The following PPP2R2C variants were observed in gnomAD, a reference collection of about 807,000 sequenced individuals.
PPP2R2C encodes the protein protein phosphatase 2, regulatory subunit B, gamma.
Under a neutral mutation model 45.3 loss-of-function variants are expected in PPP2R2C, and 10 were observed. The observed-to-expected ratio is 0.22, with a 90% confidence interval of 0.14 to 0.37. The LOEUF (loss-of-function observed/expected upper bound fraction) is 0.37. Among genes scored for constraint, PPP2R2C ranks in the 10% least tolerant of loss-of-function variants. The probability of loss-of-function intolerance (pLI) is 1.00; values close to 1 mark genes in which losing one functional copy is unlikely to be tolerated. For missense variants in PPP2R2C, 308 were observed against 619.7 expected (o/e 0.50, Z 5.34); for synonymous variants, 257 against 245.4 (o/e 1.05, Z -0.44).
chr4:6,416,510 C>T (rs1472843565), intron 1 of PPP2R2C, among the ~76,000 whole-genome samples: 1 of 152,208 alleles, frequency 6.6e-6, no homozygotes, highest in Non-Finnish European at 1.5e-5. Context: ...CCAGCACTGC[C>T]TACCCCATAC....
chr4:6,423,424 G>A (rs55782991), intron 1 of PPP2R2C, among the ~76,000 whole-genome samples: 33,316 of 152,014 alleles, frequency 0.22, 4,517 homozygotes, highest in Admixed American at 0.39. Flanking sequence ...GGCTGGTCTC[G>A]AACCCCTGAC....
chr4:6,537,555 T>G lies in PPP2R2C; in HGVS notation c.-58-2178A>C, dbSNP rs567741595. 1.4e-4 allele frequency among the ~76,000 whole-genome samples: 21 copies of G among 151,474 alleles called. No individual in the cohort carries two copies. The South Asian group carries it at 2.7e-3, about 20-fold the overall frequency. ...AGACGAACTTGAAGATTTTTTGTTT[T>G]TTTTTTTTTTTTGGAGATGGAGTCT... is the stretch of plus-strand genomic sequence containing the variant. On this transcript the variant is annotated intron_variant, in intron 1 of 9. Transcript: ENST00000506140.
At chr4:6,410,865 ATTTATTTATT>A (rs1408101783) in intron 1 of PPP2R2C, among the ~76,000 whole-genome samples, 1 of 150,326 alleles carries the variant, frequency 6.7e-6, no homozygotes, top group African/African-American at 2.5e-5. Context: ...TTATTTATTT[ATTTATTTATT>A]TATTTATTTA....
At chr4:6,506,777 C>A (rs1009820121) in intron 2 of PPP2R2C, among the ~76,000 whole-genome samples, 2 of 152,186 alleles carry the variant, frequency 1.3e-5, no homozygotes, top group Admixed American at 6.5e-5. Context: ...GGGCTGCACT[C>A]ATCTGAAGGC....
chr4:6,562,474 G>GA (rs958760194), intron 1 of PPP2R2C, among the ~76,000 whole-genome samples: 3 of 43,912 alleles, frequency 6.8e-5, no homozygotes, highest in Admixed American at 5.9e-4. Context: ...GAGTCGGGGG[G>GA]GGGGGTTGGA....
Position 6,324,663 on chromosome 4 carries a change from C to T in PPP2R2C, c.1053-1070G>A, listed in dbSNP as rs1293345937. On this transcript the variant is annotated intron_variant, in intron 8 of 8. Transcript: ENST00000382599. The surrounding 1 kb of genome is among the most constrained non-coding windows in gnomAD (Gnocchi z 4.1). ...TGAGGGTCGGGGCGAGCAGTGCTGA[C>T]GTGCAGGGGCTCGCTGCCCTCACCG... Among the ~76,000 whole-genome samples, 6 of 152,210 alleles carry T rather than the reference C, an allele frequency of 3.9e-5. No individual in the cohort carries two copies. The highest frequency in any genetic ancestry group is 7.3e-5 in the Non-Finnish European group (5 of 68,036).
In PPP2R2C at chr4:6,500,302, C is replaced by T. The variant is rs553400723; in HGVS notation, c.49+34969G>A. ...AGCTGGGATTATAGGCGCACACCAC[C>T]ATACCCAGATGATCTTTGTATTTTT... On this transcript the variant is annotated intron_variant, in intron 2 of 9. Coordinates refer to the PPP2R2C transcript ENST00000506140. 1.2e-3 allele frequency among the ~76,000 whole-genome samples: 190 copies of T among 152,288 alleles called. 2 individuals carry two copies. The highest frequency in any genetic ancestry group is 1.5e-3 in the Non-Finnish European group (104 of 68,030).
At chr4:6,488,139 A>C (rs1229016179) in intron 2 of PPP2R2C, among the ~76,000 whole-genome samples, 1 of 152,236 alleles carries the variant, frequency 6.6e-6, no homozygotes, top group Non-Finnish European at 1.5e-5. Flanking sequence ...TAGAACATAC[A>C]GAACATGATT....
rs185588527 is a variant in PPP2R2C, at chr4:6,331,773, G to T, written c.960+1789C>A. On this transcript the variant is annotated intron_variant, in intron 7 of 8. Transcript: ENST00000382599. This position sits in a 1 kb window ranked among gnomAD's most constrained non-coding sequence, Gnocchi z 5.9. ...GGATCACAGAAGGAACCACTGTGGC[G>T]CTGCCGGGGTCATGGAGCCCCCCCA... Among the ~76,000 whole-genome samples the T allele has an allele frequency of 6.6e-6, 1 of 152,118 alleles. No homozygotes were observed. The highest frequency in any genetic ancestry group is 2.4e-5 in the African/African-American group (1 of 41,398).
At chr4:6,493,353 T>C (rs1722770280) in intron 2 of PPP2R2C, among the ~76,000 whole-genome samples, 1 of 151,698 alleles carries the variant, frequency 6.6e-6, no homozygotes, top group Non-Finnish European at 1.5e-5. Flanking sequence ...TTCAGGGAGC[T>C]GGGGTGGGGG....
chr4:6,381,369 G>A, intron 1 of PPP2R2C: 2 of 1,488,354 alleles, frequency 1.3e-6, no homozygotes, highest in Non-Finnish European at 1.8e-6. Context: ...AGACTTTATA[G>A]TAACTGGACA....
intron 1 of PPP2R2C, among the ~76,000 whole-genome samples, chr4:6,549,508 G>T (rs758569126): frequency 6.6e-6 from 1 of 152,212 alleles, no homozygotes; most frequent in Admixed American, 6.5e-5. Flanking sequence ...CCTCAGGAGT[G>T]AAATGCCCCT....
intron 5 of PPP2R2C, among the ~76,000 whole-genome samples, chr4:6,361,692 G>A (rs1436803807): frequency 6.6e-6 from 1 of 152,356 alleles, no homozygotes; most frequent in South Asian, 2.1e-4. Flanking sequence ...GGAGGACTAG[G>A]AGGGTCTGTG....
At chr4:6,429,570 C>T (rs1467514465) in intron 1 of PPP2R2C, among the ~76,000 whole-genome samples, 1 of 152,132 alleles carries the variant, frequency 6.6e-6, no homozygotes, top group Non-Finnish European at 1.5e-5. Context: ...TGACAAACAG[C>T]ACGAGACCCC....
At chr4:6,411,924 G>A (rs1718229757) in intron 1 of PPP2R2C, among the ~76,000 whole-genome samples, 1 of 152,150 alleles carries the variant, frequency 6.6e-6, no homozygotes, top group Non-Finnish European at 1.5e-5. Flanking sequence ...AACATCCCTG[G>A]TGCATCATCT....
chr4:6,533,144 T>C (rs1724462647), intron 2 of PPP2R2C, among the ~76,000 whole-genome samples: 1 of 152,168 alleles, frequency 6.6e-6, no homozygotes. Flanking sequence ...AGGTGGATGC[T>C]ATTGAAGAAT....
At chr4:6,377,020 T>C (rs994312720) in intron 3 of PPP2R2C, among the ~76,000 whole-genome samples, 2 of 152,086 alleles carry the variant, frequency 1.3e-5, no homozygotes, top group African/African-American at 4.8e-5. Context: ...CCTGGCTCAG[T>C]GGAGAGGTCA....
intron 1 of PPP2R2C, among the ~76,000 whole-genome samples, chr4:6,440,642 T>C (rs2108732547): frequency 6.6e-6 from 1 of 152,314 alleles, no homozygotes; most frequent in East Asian, 1.9e-4. Flanking sequence ...CTGTCTGTGG[T>C]GCTTACTTCT....
chr4:6,493,304 T>A (rs1470651091), intron 2 of PPP2R2C, among the ~76,000 whole-genome samples: 1 of 151,838 alleles, frequency 6.6e-6, no homozygotes, highest in African/African-American at 2.4e-5. Context: ...TCGTTGTTTA[T>A]CAGGACTATT....
Sources: allele counts gnomAD v4.1 joint callset (sites outside exome capture counted in the v4.1 genomes callset), GRCh38; gene constraint gnomAD v4.1.1; non-coding constraint Gnocchi (gnomAD v3.1); transcripts MANE v1.5; gene names NCBI Gene and HGNC (gene_info 2026-07-23, HGNC 2026-07-21).